Variants in FGF10 observed in about 807,000 individuals in gnomAD.
FGF10 encodes FGF-10.
In FGF10, 2 loss-of-function variants were observed where a neutral mutation model predicts 19.8. That is an observed-to-expected ratio of 0.10 (90% CI 0.04 to 0.32). The LOEUF (loss-of-function observed/expected upper bound fraction) is 0.32, where lower values mean the gene tolerates loss of function less well. Ranked by LOEUF, FGF10 falls within the 10% of genes least tolerant of loss-of-function variation. FGF10 has a pLI of 1.00. For missense variants in FGF10, 191 were observed against 246.3 expected, an observed-to-expected ratio of 0.78 and a Z score of 1.50; for synonymous variants, 112 against 94.0, an observed-to-expected ratio of 1.19 and a Z score of -1.10.
intron 1 of FGF10, among the ~76,000 whole-genome samples, chr5:44,367,424 T>C (rs1741643639): frequency 6.6e-6 from 1 of 152,102 alleles, no homozygotes. Flanking sequence ...TAGTGACTAA[T>C]TTGCCTCTGT....
chr5:44,328,441 A>T (rs1740661041), intron 1 of FGF10, among the ~76,000 whole-genome samples: 1 of 152,152 alleles, frequency 6.6e-6, no homozygotes, highest in Non-Finnish European at 1.5e-5. Flanking sequence ...TGACAATCTC[A>T]TGTATATTCC....
At chr5:44,347,579 C>T (rs1483737313) in intron 1 of FGF10, among the ~76,000 whole-genome samples, 1 of 151,730 alleles carries the variant, frequency 6.6e-6, no homozygotes, top group Non-Finnish European at 1.5e-5. Context: ...GCAAATCTTT[C>T]TTCTCTTGCT....
Position 44,306,171 on chromosome 5 carries a change from G to A in FGF10, c.430-979C>T, listed in dbSNP as rs17234604. 4.1e-3 allele frequency among the ~76,000 whole-genome samples: 621 copies of A among 152,254 alleles called. 5 individuals are homozygous for A. Among genetic ancestry groups the A allele is most frequent in the African/African-American group, 0.014 (595 of 41,550 alleles). On this transcript the variant is annotated intron_variant, in intron 2 of 2. Transcript: ENST00000264664. Reference sequence around the variant, plus strand: ...CCAGCACTTTGGGAGGCTGAGGCAGGCGAATCACAAGGTCAGGAGTTCAAG... The same window carrying A: ...CCAGCACTTTGGGAGGCTGAGGCAGACGAATCACAAGGTCAGGAGTTCAAG...
chr5:44,358,839 A>G lies in FGF10; in HGVS notation c.325+29519T>C, dbSNP rs546983352. 1.1e-3 allele frequency among the ~76,000 whole-genome samples: 168 copies of G among 151,656 alleles called. 3 individuals are homozygous for G. The South Asian group carries it at 0.025, about 22-fold the overall frequency. ...TGGTACATGCTCTACTCATGACAAC[A>G]TAAAAAGTCAGTACATTGTATCTAA... On this transcript the variant is annotated intron_variant, in intron 1 of 2. Transcript: ENST00000264664.
intron 1 of FGF10, 90 bp from the exon 2 acceptor site, chr5:44,310,620 T>C: frequency 1.0e-6 from 1 of 979,384 alleles, no homozygotes; most frequent in Admixed American, 2.0e-5. Flanking sequence ...GAGTTGTTTT[T>C]TGTGTGGTTC....
chr5:44,382,899 G>A (rs1245960282), intron 1 of FGF10, among the ~76,000 whole-genome samples: 1 of 152,044 alleles, frequency 6.6e-6, no homozygotes, highest in Non-Finnish European at 1.5e-5. Flanking sequence ...TGTTGGAACA[G>A]TAATACTAAA....
intron 1 of FGF10, among the ~76,000 whole-genome samples, chr5:44,363,033 G>A (rs1375430445): frequency 6.6e-6 from 1 of 151,790 alleles, no homozygotes; most frequent in Non-Finnish European, 1.5e-5. Context: ...AATAATGAAT[G>A]TACTTCTAAA....
chr5:44,345,604 T>TA (rs1240752185), intron 1 of FGF10, among the ~76,000 whole-genome samples: 6 of 148,280 alleles, frequency 4.0e-5, no homozygotes, highest in Non-Finnish European at 8.9e-5. Context: ...TTTTCCCCAT[T>TA]GTTTCACTGT....
intron 1 of FGF10, among the ~76,000 whole-genome samples, chr5:44,370,932 A>G (rs1456877445): frequency 1.3e-5 from 2 of 152,138 alleles, no homozygotes; most frequent in Non-Finnish European, 2.9e-5. Context: ...GATAGATGAT[A>G]AAAGATGTTA....
intron 2 of FGF10, among the ~76,000 whole-genome samples, chr5:44,309,176 A>T (rs561258487): frequency 3.3e-5 from 5 of 152,322 alleles, no homozygotes; most frequent in South Asian, 4.1e-4. Context: ...ATTTCTGGCC[A>T]TATATAATAT....
At chr5:44,328,112 A>ACC (rs1740653458) in intron 1 of FGF10, among the ~76,000 whole-genome samples, 1 of 152,104 alleles carries the variant, frequency 6.6e-6, no homozygotes, top group African/African-American at 2.4e-5. Flanking sequence ...CCTTTATGTA[A>ACC]CCCCTCCAAA....
At chr5:44,364,341 A>G (rs1741556849) in intron 1 of FGF10, among the ~76,000 whole-genome samples, 1 of 151,894 alleles carries the variant, frequency 6.6e-6, no homozygotes, top group Non-Finnish European at 1.5e-5. Context: ...TGCACATCTT[A>G]TATTTAGAGA....
chr5:44,335,136 G>A (rs1358191979), intron 1 of FGF10, among the ~76,000 whole-genome samples: 1 of 152,060 alleles, frequency 6.6e-6, no homozygotes. Context: ...CTAATCATCA[G>A]TTATAAATGA....
chr5:44,324,556 A>G (rs1296587191), intron 1 of FGF10, among the ~76,000 whole-genome samples: 2 of 152,156 alleles, frequency 1.3e-5, no homozygotes, highest in Non-Finnish European at 2.9e-5. Context: ...AATATTATTT[A>G]TTGCATATAA....
chr5:44,312,263 A>C (rs1024871531), intron 1 of FGF10, among the ~76,000 whole-genome samples: 3 of 151,940 alleles, frequency 2.0e-5, no homozygotes, highest in African/African-American at 7.2e-5. Context: ...TAATTCACAC[A>C]ATAGCCCTCT....
Position 44,338,028 on chromosome 5 carries a change from AAATT to A in FGF10, c.326-27502_326-27499del, listed in dbSNP as rs879927127. On this transcript the variant is annotated intron_variant, in intron 1 of 2. Coordinates refer to ENST00000264664, the MANE Select transcript of FGF10 (RefSeq NM_004465.2). ...GTCCAAATAAATGTATGTATTAAATAAATTATTATTCTAACATGTAATTATTATG... is the reference window on the plus strand; with the variant it reads ...GTCCAAATAAATGTATGTATTAAATAATTATTCTAACATGTAATTATTATG... Among the ~76,000 whole-genome samples the A allele has an allele frequency of 5.5e-4, 84 of 152,330 alleles. 1 individual carries two copies. Among genetic ancestry groups the A allele is most frequent in the Admixed American group, 4.1e-3 (62 of 15,290 alleles).
At position 44,300,780 on chromosome 5, in the gene FGF10, C is replaced by G. The variant is rs1739951487; in HGVS notation, c.*4215G>C. 6.6e-6 allele frequency among the ~76,000 whole-genome samples: 1 copy of G among 151,976 alleles called. No homozygotes were observed. Among genetic ancestry groups the G allele is most frequent in the African/African-American group, 2.4e-5 (1 of 41,402 alleles). On this transcript the variant is annotated 3_prime_UTR_variant, in exon 3 of 3. Coordinates refer to ENST00000264664, the MANE Select transcript of FGF10 (RefSeq NM_004465.2). The stretch of plus-strand genomic sequence containing the variant: ...TGGGCTGCCAAAATCTTCACCTTGC[C>G]TCTCTGTGGTCATGTCACTGAAGAT...
rs202111928 is a variant in FGF10 at position 44,304,942 on chromosome 5, A to G, written c.*53T>C. On this transcript the variant is annotated 3_prime_UTR_variant, in exon 3 of 3. Transcript: ENST00000264664. ...ACTGTCTTCATGAAGAATATCCACT[A>G]TTCTTGGCAAAAGAGCCATTGGTTC... 5 of 1,533,398 alleles carry G rather than the reference A, an allele frequency of 3.3e-6. No individual in the cohort carries two copies. The highest frequency in any genetic ancestry group is 4.5e-6 in the Non-Finnish European group (5 of 1,107,058). The allele number at this position is 1,533,398 out of a possible 1,614,324, so 95.0% of individuals were successfully genotyped here.
Position 44,366,022 on chromosome 5 carries a change from T to C in FGF10, c.325+22336A>G, listed in dbSNP as rs1226007294. Among the ~76,000 whole-genome samples the C allele has an allele frequency of 2.0e-5, 3 of 151,906 alleles. No homozygotes were observed. In the East Asian group the frequency reaches 5.8e-4, roughly 30 times the overall value. ...TGGTGTTATATGAATCACCTTTGAT[T>C]TGATCTTTTGAAATTGCTCTTCTAT... On this transcript the variant is annotated intron_variant, in intron 1 of 2. Coordinates refer to ENST00000264664, the MANE Select transcript of FGF10 (RefSeq NM_004465.2).
Sources: allele counts gnomAD v4.1 joint callset (sites outside exome capture counted in the v4.1 genomes callset), GRCh38; gene constraint gnomAD v4.1.1; transcripts MANE v1.5; gene names NCBI Gene and HGNC (gene_info 2026-07-23, HGNC 2026-07-21).